CELF5: variants seen among roughly 807,000 people sequenced by gnomAD.
CELF5 encodes CUGBP Elav-like family member 5, also known as CUG-BP and ETR-3 like factor 5.
Under a neutral mutation model 54.9 loss-of-function variants are expected in CELF5, and 6 were observed. The ratio of observed to expected loss-of-function variants is 0.11; its 90% CI spans 0.06 to 0.22. The LOEUF (loss-of-function observed/expected upper bound fraction) is 0.22. Ranked by LOEUF, CELF5 falls within the 10% of genes least tolerant of loss-of-function variation. The probability of loss-of-function intolerance (pLI) is 1.00; values close to 1 mark genes in which losing one functional copy is unlikely to be tolerated. For synonymous variants in CELF5, 271 were observed against 290.9 expected (o/e 0.93, Z 0.70); for missense variants, 401 against 678.6 (o/e 0.59, Z 4.54).
chr19:3,286,194 A>T (rs1274226305), intron 10 of CELF5, 169 bp downstream of exon 10: 4 of 533,446 alleles, frequency 7.5e-6, no homozygotes, highest in Non-Finnish European at 9.6e-6. Flanking sequence ...ACCCCTGGGA[A>T]TCTCCCTCTC....
chr19:3,250,945 G>T, intron 1 of CELF5, 40 bp from the exon 2 acceptor site: 1 of 1,478,572 alleles, frequency 6.8e-7, no homozygotes, highest in Non-Finnish European at 9.5e-7. Context: ...CCATGGGTGT[G>T]CCCGTGCTCT....
At chr19:3,291,917 G>C (rs970571906) in intron 11 of CELF5, among the ~76,000 whole-genome samples, 1 of 148,000 alleles carries the variant, frequency 6.8e-6, no homozygotes, top group African/African-American at 2.5e-5. Flanking sequence ...GAAGAACCTG[G>C]AGTAGAACCA....
intron 1 of CELF5, among the ~76,000 whole-genome samples, chr19:3,245,373 T>C (rs536302106): frequency 1.4e-5 from 2 of 143,636 alleles, no homozygotes; most frequent in Admixed American, 6.9e-5. Context: ...TGTGTGTGCG[T>C]GTGTGTGTAT....
chr19:3,251,368 A>T (rs1376297453), intron 2 of CELF5, among the ~76,000 whole-genome samples: 1 of 152,098 alleles, frequency 6.6e-6, no homozygotes, highest in Non-Finnish European at 1.5e-5. Context: ...AGGATAAGGA[A>T]GCATTAGCAG....
chr19:3,282,251 C>T lies in CELF5; in HGVS notation c.876C>T (p.Pro292=). 2.5e-6 allele frequency: 4 copies of T among 1,612,982 alleles called. No homozygotes were observed. Among genetic ancestry groups the T allele is most frequent in the Non-Finnish European group, 3.4e-6 (4 of 1,180,038 alleles). Reference sequence around the variant, plus strand: ...GCCTCAACGGGCTGCCTGCCACACCCATCGCTCCTGCCTCTGGTGAGCCTC... The same window carrying T: ...GCCTCAACGGGCTGCCTGCCACACCTATCGCTCCTGCCTCTGGTGAGCCTC... ...AVSLNGLPAT[P]IAPASGLHSP... Residue 292 remains proline, a synonymous_variant, in exon 7 of 13, where the codon CCC becomes CCT. Coordinates refer to ENST00000292672, the MANE Select transcript of CELF5 (RefSeq NM_021938.4). The surrounding 1 kb of genome is among the most constrained non-coding windows in gnomAD (Gnocchi z 5.2).
chr19:3,246,359 G>GTC (rs113436630), intron 1 of CELF5, among the ~76,000 whole-genome samples: 45,186 of 146,742 alleles, frequency 0.31, 7,274 homozygotes, highest in East Asian at 0.7. Context: ...TTGAGACTCA[G>GTC]TCTCTCTCTC....
At chr19:3,284,759 A>G (rs1039541707) in intron 8 of CELF5, 143 bp from the exon 9 acceptor site, 1 of 706,998 alleles carries the variant, frequency 1.4e-6, no homozygotes, top group Non-Finnish European at 2.5e-6. Flanking sequence ...CCTCGGCCTC[A>G]GCTTCCTGGT....
chr19:3,248,122 T>C (rs2079592750), intron 1 of CELF5, among the ~76,000 whole-genome samples: 1 of 152,168 alleles, frequency 6.6e-6, no homozygotes, highest in Admixed American at 6.5e-5. Context: ...CATATTGTTC[T>C]GCAATCATCA....
At chr19:3,257,049 G>A (rs1336163873) in intron 2 of CELF5, among the ~76,000 whole-genome samples, 1 of 152,002 alleles carries the variant, frequency 6.6e-6, no homozygotes, top group East Asian at 1.9e-4. Context: ...GATCAAGCGA[G>A]CCTCCCACCT....
rs993871192 is a variant in CELF5 at position 3,293,526 on chromosome 19, G to A, written c.*40+40G>A. The A allele has an allele frequency of 1.2e-4, 165 of 1,422,420 alleles. No individual in the cohort carries two copies. In the Admixed American group the frequency reaches 2.0e-3, roughly 17 times the overall value. 88.1% of individuals were successfully genotyped at this position (1,422,420 alleles called of 1,614,324 possible). A position where few individuals can be genotyped will look rare whatever the true frequency, so the allele number is the denominator to read the frequency against. On this transcript the variant is annotated intron_variant, in intron 12 of 12. Coordinates refer to ENST00000292672, the MANE Select transcript of CELF5 (RefSeq NM_021938.4). ...GGCCCCACCCCCGCCCAAGCCCCCC[G>A]TCTTGTCTGAAACCCCCTCCCGCGG...
At chr19:3,286,786 G>C (rs1354420925) in intron 10 of CELF5, 1 of 142,938 alleles carries the variant, frequency 7.0e-6, no homozygotes, top group African/African-American at 2.6e-5. Context: ...TGTAATCCCA[G>C]CACTTTGGGA....
In CELF5 at chr19:3,278,061, C is replaced by T; in HGVS notation, c.554C>T (p.Thr185Met). Residue 185 changes from threonine (T) to methionine (M), a missense_variant, in exon 5 of 13, where the codon ACG becomes ATG. By Grantham distance (81) the Thr-to-Met change is moderately conservative. Around this residue, in one of 6 missense-constraint regions of CELF5, gnomAD observed 87 missense variants for 190.2 expected, o/e 0.46. Transcript: ENST00000292672. The surrounding 1 kb of genome is among the most constrained non-coding windows in gnomAD (Gnocchi z 4.5). Reference sequence around the variant, plus strand: ...GCTTTCGTGAAGTTCTCCTCCCACACGGAGGCGCAGGCGGCCATCCACGCC... The same window carrying T: ...GCTTTCGTGAAGTTCTCCTCCCACATGGAGGCGCAGGCGGCCATCCACGCC... ...GCAFVKFSSHTEAQAAIHALH... is the reference protein window; with the variant it reads ...GCAFVKFSSHMEAQAAIHALH... 2 of 1,563,906 alleles carry T rather than the reference C, an allele frequency of 1.3e-6. No homozygotes were observed. Among genetic ancestry groups the T allele is most frequent in the Non-Finnish European group, 1.7e-6 (2 of 1,148,424 alleles).
chr19:3,289,387 C>T (rs1021279354), intron 10 of CELF5, among the ~76,000 whole-genome samples: 1 of 152,024 alleles, frequency 6.6e-6, no homozygotes, highest in Admixed American at 6.6e-5. Flanking sequence ...GAAACCTCTA[C>T]AAAAATTAGC....
intron 2 of CELF5, among the ~76,000 whole-genome samples, chr19:3,272,489 A>AG (rs1274181227): frequency 5.3e-5 from 8 of 152,360 alleles, no homozygotes; most frequent in African/African-American, 1.9e-4. Flanking sequence ...CATAGGACTC[A>AG]GGGGATGTGG....
At chr19:3,254,610 C>T (rs2079695751) in intron 2 of CELF5, among the ~76,000 whole-genome samples, 1 of 151,088 alleles carries the variant, frequency 6.6e-6, no homozygotes, top group Admixed American at 6.6e-5. Flanking sequence ...TGCATTCATT[C>T]ACCCATCTAC....
chr19:3,252,608 T>A (rs1165106988), intron 2 of CELF5, among the ~76,000 whole-genome samples: 2 of 152,116 alleles, frequency 1.3e-5, no homozygotes, highest in Non-Finnish European at 2.9e-5. Flanking sequence ...CTGTAGGAAA[T>A]CTGACGTGCG....
chr19:3,227,846 G>T (rs1917010898), intron 1 of CELF5, among the ~76,000 whole-genome samples: 1 of 152,134 alleles, frequency 6.6e-6, no homozygotes. Flanking sequence ...GTATCTGTGT[G>T]ACATAGGGGT....
chr19:3,279,998 C>T (rs900664153), intron 5 of CELF5, among the ~76,000 whole-genome samples: 3 of 152,158 alleles, frequency 2.0e-5, no homozygotes, highest in East Asian at 1.9e-4. Flanking sequence ...CCACTGTGCC[C>T]GGCCACCAGG....
intron 2 of CELF5, among the ~76,000 whole-genome samples, chr19:3,255,813 C>T (rs980612827): frequency 3.3e-5 from 5 of 151,996 alleles, no homozygotes; most frequent in Non-Finnish European, 5.9e-5. Flanking sequence ...GCCTGTAATC[C>T]CAGCACTTTG....
Sources: gnomAD v4.1 joint callset for allele counts (sites outside exome capture counted in the v4.1 genomes callset) on GRCh38, gnomAD v4.1.1 for gene constraint, gnomAD v4.1.1 regional missense constraint, Gnocchi (gnomAD v3.1) non-coding constraint, MANE v1.5 for transcripts, NCBI Gene and HGNC (gene_info 2026-07-23, HGNC 2026-07-21) for gene names.